The following FRMD4A variants were observed in gnomAD, a reference collection of about 807,000 sequenced individuals.
The protein encoded by FRMD4A is FERM domain containing 4A.
Under a neutral mutation model 129.1 loss-of-function variants are expected in FRMD4A, and 29 were observed. That is an observed-to-expected ratio of 0.22 (90% CI 0.17 to 0.31). FRMD4A has a LOEUF of 0.31. FRMD4A is among the 10% of genes least tolerant of loss of function. The pLI, the probability that FRMD4A is intolerant of heterozygous loss-of-function variation, is 1.00. For synonymous variants in FRMD4A, 634 were observed against 571.6 expected, an observed-to-expected ratio of 1.11 and a Z score of -1.56; for missense variants, 1,272 against 1,375.8, an observed-to-expected ratio of 0.92 and a Z score of 1.19.
intron 2 of FRMD4A, among the ~76,000 whole-genome samples, chr10:13,944,584 G>A (rs1302819753): frequency 5.3e-5 from 8 of 152,116 alleles, no homozygotes; most frequent in Admixed American, 5.2e-4. Flanking sequence ...GGTCCCCGGT[G>A]CCAAAAAAGT....
At chr10:13,967,545 A>AAAAAAC (rs1222901190) in intron 2 of FRMD4A, among the ~76,000 whole-genome samples, 7 of 152,336 alleles carry the variant, frequency 4.6e-5, no homozygotes, top group Admixed American at 2.0e-4. Flanking sequence ...AGAAATTTTA[A>AAAAAAC]AAAAACAAAA....
Position 14,000,734 on chromosome 10 carries a change from T to C in FRMD4A, c.46-141822A>G, listed in dbSNP as rs564885781. Among the ~76,000 whole-genome samples, 6 of 150,760 alleles carry C rather than the reference T, an allele frequency of 4.0e-5. No homozygotes were observed. The South Asian group carries it at 6.3e-4, about 16-fold the overall frequency. On this transcript the variant is annotated intron_variant, in intron 2 of 24. Coordinates refer to ENST00000357447, the MANE Select transcript of FRMD4A (RefSeq NM_018027.5). ...TGACTTTGTGTACATATTTGCAATA[T>C]GGCAGATTGAAAGACACACAAAAGG...
intron 2 of FRMD4A, among the ~76,000 whole-genome samples, chr10:14,028,671 A>C (rs1026016468): frequency 6.6e-6 from 1 of 152,242 alleles, no homozygotes; most frequent in African/African-American, 2.4e-5. Context: ...CATTTTCCAC[A>C]GTGTGATTAT....
At chr10:13,768,151 C>T (rs972008630) in intron 6 of FRMD4A, among the ~76,000 whole-genome samples, 5 of 152,042 alleles carry the variant, frequency 3.3e-5, no homozygotes, top group African/African-American at 1.2e-4. Context: ...CTTCCTCCCA[C>T]GCCGTGTTGT....
intron 2 of FRMD4A, among the ~76,000 whole-genome samples, chr10:14,158,037 A>G (rs1840687383): frequency 6.6e-6 from 1 of 152,198 alleles, no homozygotes; most frequent in Non-Finnish European, 1.5e-5. Flanking sequence ...CAGCAATACT[A>G]GAGTAAAACT....
chr10:13,886,732 C>A (rs1251333663), intron 2 of FRMD4A, among the ~76,000 whole-genome samples: 1 of 152,192 alleles, frequency 6.6e-6, no homozygotes. Context: ...CAGGCACACG[C>A]CACCATGCTT....
At position 13,679,996 on chromosome 10, in the gene FRMD4A, C is replaced by T. The variant is rs117588998; in HGVS notation, c.1118-4952G>A. ...AATGCCCACTAGGCATCCACTGACCCAGCAGGTTGGTTTTAAAAGGGAAGA... is the reference window on the plus strand; with the variant it reads ...AATGCCCACTAGGCATCCACTGACCTAGCAGGTTGGTTTTAAAAGGGAAGA... On this transcript the variant is annotated intron_variant, in intron 15 of 24. Transcript: ENST00000357447. 6.7e-3 allele frequency among the ~76,000 whole-genome samples: 1,024 copies of T among 152,256 alleles called. 6 individuals are homozygous for T. The highest frequency in any genetic ancestry group is 0.011 in the Non-Finnish European group (736 of 68,014).
At chr10:14,219,776 T>C (rs548081744) in intron 2 of FRMD4A, among the ~76,000 whole-genome samples, 1 of 152,274 alleles carries the variant, frequency 6.6e-6, no homozygotes, top group Non-Finnish European at 1.5e-5. Context: ...CAGTCCAGAC[T>C]CATTTAGGGA....
intron 2 of FRMD4A, among the ~76,000 whole-genome samples, chr10:13,929,628 C>A (rs2095171609): frequency 1.3e-5 from 2 of 152,290 alleles, no homozygotes; most frequent in Admixed American, 6.5e-5. Context: ...AGGGAGGGAA[C>A]AGCACTCCCC....
At chr10:14,245,355 CG>C (rs1192068130) in intron 2 of FRMD4A, among the ~76,000 whole-genome samples, 1 of 152,086 alleles carries the variant, frequency 6.6e-6, no homozygotes, top group Non-Finnish European at 1.5e-5. Context: ...GTGCAAAATG[CG>C]GATGACCAAG....
At chr10:14,103,546 C>T (rs7086843) in intron 2 of FRMD4A, among the ~76,000 whole-genome samples, 13,655 of 151,874 alleles carry the variant, frequency 0.09, 2,024 homozygotes, top group African/African-American at 0.31. Context: ...CTGTTTTTGT[C>T]GCAAAAGAGA....
chr10:14,227,363 T>C (rs113827569), intron 2 of FRMD4A, among the ~76,000 whole-genome samples: 1,794 of 148,026 alleles, frequency 0.012, 26 homozygotes, highest in African/African-American at 0.038. Flanking sequence ...GCGATTCTCC[T>C]GCCTCAGCAT....
intron 2 of FRMD4A, among the ~76,000 whole-genome samples, chr10:13,956,410 C>A (rs2095410596): frequency 6.6e-6 from 1 of 152,200 alleles, no homozygotes; most frequent in Non-Finnish European, 1.5e-5. Flanking sequence ...CCTTGGCCTC[C>A]CAAAGTGCTG....
chr10:13,936,426 C>T (rs997497590), intron 2 of FRMD4A, among the ~76,000 whole-genome samples: 1 of 152,096 alleles, frequency 6.6e-6, no homozygotes, highest in African/African-American at 2.4e-5. Context: ...CTCCAAAATT[C>T]CTATATTGGA....
rs186784020 is a variant in FRMD4A at position 13,889,919 on chromosome 10, T to C, written c.46-31007A>G. 3.8e-4 allele frequency among the ~76,000 whole-genome samples: 58 copies of C among 152,328 alleles called. No homozygotes were observed. The East Asian group carries it at 9.8e-3, about 26-fold the overall frequency. On this transcript the variant is annotated intron_variant, in intron 2 of 24. Transcript: ENST00000357447. ...CAAATATTGCCTCCAATTAAATTAA[T>C]TGCAGCTATTTAACTTCTCAGGACC...
chr10:13,786,788 C>T lies in FRMD4A; in HGVS notation c.300-3782G>A, dbSNP rs35625435. Among the ~76,000 whole-genome samples, 1,287 of 152,184 alleles carry T rather than the reference C, an allele frequency of 8.5e-3. 11 individuals are homozygous for T. Among genetic ancestry groups the T allele is most frequent in the Non-Finnish European group, 0.013 (853 of 67,994 alleles). On this transcript the variant is annotated intron_variant, in intron 5 of 24. Coordinates refer to ENST00000357447, the MANE Select transcript of FRMD4A (RefSeq NM_018027.5). Reference sequence around the variant, plus strand: ...ATTAACAGAAGCCTCCTGAAGTTGACGGTGGCCTTTGTGCTCTAATGATGA... The same window carrying T: ...ATTAACAGAAGCCTCCTGAAGTTGATGGTGGCCTTTGTGCTCTAATGATGA...
Position 14,321,520 on chromosome 10 carries a change from G to A in FRMD4A, c.45+8538C>T, listed in dbSNP as rs931407161. Among the ~76,000 whole-genome samples the A allele has an allele frequency of 3.3e-5, 5 of 152,218 alleles. No homozygotes were observed. In the East Asian group the frequency reaches 5.8e-4, roughly 18 times the overall value. The stretch of plus-strand genomic sequence containing the variant: ...GTGAGAGTATGAATTTTGAGGGGTG[G>A]AGGAAGGGACCCTGGGACATGAGGC... On this transcript the variant is annotated intron_variant, in intron 2 of 24. Transcript: ENST00000357447.
chr10:14,244,803 T>C (rs1844175237), intron 2 of FRMD4A, among the ~76,000 whole-genome samples: 1 of 152,190 alleles, frequency 6.6e-6, no homozygotes, highest in South Asian at 2.1e-4. Flanking sequence ...CTCCAAAACC[T>C]GTGCTCTTTC....
intron 13 of FRMD4A, among the ~76,000 whole-genome samples, chr10:13,704,932 G>C (rs2087263087): frequency 6.6e-6 from 1 of 152,084 alleles, no homozygotes; most frequent in Non-Finnish European, 1.5e-5. Flanking sequence ...GCTGGGTACG[G>C]TGGTGTGTAC....
Sources: allele counts gnomAD v4.1 joint callset (sites outside exome capture counted in the v4.1 genomes callset), GRCh38; gene constraint gnomAD v4.1.1; transcripts MANE v1.5; gene names NCBI Gene and HGNC (gene_info 2026-07-23, HGNC 2026-07-21).